The following RASGEF1C variants were observed in gnomAD, a reference collection of about 807,000 sequenced individuals.
The protein encoded by RASGEF1C is RasGEF domain family member 1C.
Under a neutral mutation model 58.1 loss-of-function variants are expected in RASGEF1C, and 27 were observed. The ratio of observed to expected loss-of-function variants is 0.46; its 90% CI spans 0.34 to 0.64. The LOEUF is 0.64. Ranked by LOEUF, RASGEF1C falls within the 30% of genes least tolerant of loss-of-function variation. The pLI is 0.01. For synonymous variants in RASGEF1C, 243 were observed against 246.3 expected, an observed-to-expected ratio of 0.99 and a Z score of 0.13; for missense variants, 502 against 605.1, an observed-to-expected ratio of 0.83 and a Z score of 1.79.
chr5:180,181,985 C>T lies in RASGEF1C; in HGVS notation c.-7+27043G>A, dbSNP rs186229395. Among the ~76,000 whole-genome samples the T allele has an allele frequency of 1.6e-3, 237 of 151,540 alleles. 3 individuals are homozygous for T. The East Asian group carries it at 0.037, about 24-fold the overall frequency. ...TTGGGAGGCCGAGACGGGCGGATCA[C>T]GAGGTCAGGAGATCGAGACCATCCT... is the stretch of plus-strand genomic sequence containing the variant. On this transcript the variant is annotated intron_variant, in intron 1 of 13. Coordinates refer to ENST00000361132, the MANE Select transcript of RASGEF1C (RefSeq NM_175062.4).
At chr5:180,112,521 T>A (rs1391439320) in intron 11 of RASGEF1C, among the ~76,000 whole-genome samples, 1 of 152,164 alleles carries the variant, frequency 6.6e-6, no homozygotes, top group Non-Finnish European at 1.5e-5. Flanking sequence ...GACAGAGCAG[T>A]GACTGGTGAC....
intron 6 of RASGEF1C, among the ~76,000 whole-genome samples, chr5:180,122,327 C>A (rs1414585967): frequency 6.6e-6 from 1 of 152,128 alleles, no homozygotes; most frequent in Non-Finnish European, 1.5e-5. Flanking sequence ...GCTATGCGAA[C>A]CTTTCCCTGT....
intron 1 of RASGEF1C, among the ~76,000 whole-genome samples, chr5:180,153,936 T>C (rs753903185): frequency 9.9e-5 from 15 of 152,086 alleles, no homozygotes; most frequent in Non-Finnish European, 2.1e-4. Flanking sequence ...CAAACCCAAA[T>C]GTTGGTTTGT....
chr5:180,156,785 A>C lies in RASGEF1C; in HGVS notation c.-6-18727T>G, dbSNP rs1023566417. ...GAGACCCTGTCTCAAAAAAAAGTAA[A>C]TAAAATAAAACATACAAAGAAATCT... On this transcript the variant is annotated intron_variant, in intron 1 of 13. Coordinates refer to ENST00000361132, the MANE Select transcript of RASGEF1C (RefSeq NM_175062.4). The surrounding 1 kb of genome is among the most constrained non-coding windows in gnomAD (Gnocchi z 4.9). Among the ~76,000 whole-genome samples, 1 of 152,226 alleles carries C rather than the reference A, an allele frequency of 6.6e-6. No homozygotes were observed. Among genetic ancestry groups the C allele is most frequent in the South Asian group, 2.1e-4 (1 of 4,828 alleles).
rs1426595700 is a variant in RASGEF1C at position 180,113,686 on chromosome 5, C to T, written c.1179+760G>A. Among the ~76,000 whole-genome samples the T allele has an allele frequency of 8.3e-5, 10 of 120,140 alleles. 1 individual carries two copies. The highest frequency in any genetic ancestry group is 4.9e-4 in the Admixed American group (6 of 12,170). 78.8% of individuals were successfully genotyped at this position (120,140 alleles called of 152,430 possible). On this transcript the variant is annotated intron_variant, in intron 11 of 13. Transcript: ENST00000361132. ...AGGGACCGGGGATGGATGGAGGGAT[C>T]GGGGATGGACGGAGGGATCGGGGAT...
chr5:180,170,871 T>C (rs1767097911), intron 1 of RASGEF1C, among the ~76,000 whole-genome samples: 1 of 152,174 alleles, frequency 6.6e-6, no homozygotes, highest in Non-Finnish European at 1.5e-5. Flanking sequence ...GGTGTGGGTC[T>C]GCCTGCAGGC....
At chr5:180,200,010 T>G (rs1453430727) in intron 1 of RASGEF1C, among the ~76,000 whole-genome samples, 1 of 152,076 alleles carries the variant, frequency 6.6e-6, no homozygotes, top group Non-Finnish European at 1.5e-5. Context: ...GCCTGTAATC[T>G]CAGCACTTTG....
rs118096558 is a variant in RASGEF1C at position 180,197,694 on chromosome 5, G to A, written c.-7+11334C>T. On this transcript the variant is annotated intron_variant, in intron 1 of 13. Coordinates refer to ENST00000361132, the MANE Select transcript of RASGEF1C (RefSeq NM_175062.4). The surrounding 1 kb of genome is among the most constrained non-coding windows in gnomAD (Gnocchi z 4.7). ...ATGGCAGCTGCTGTGGGAATTACCT[G>A]AGGCCACAGGGACTCAGCCAATGGC... Among the ~76,000 whole-genome samples, 1,436 of 152,288 alleles carry A rather than the reference G, an allele frequency of 9.4e-3. 36 individuals are homozygous for A. The highest frequency in any genetic ancestry group is 0.089 in the South Asian group (428 of 4,828).
chr5:180,125,731 G>A (rs1057233301), intron 6 of RASGEF1C, among the ~76,000 whole-genome samples: 2 of 151,790 alleles, frequency 1.3e-5, no homozygotes, highest in African/African-American at 4.8e-5. Flanking sequence ...GCAATGAGCC[G>A]AGATCGCACC....
intron 1 of RASGEF1C, among the ~76,000 whole-genome samples, chr5:180,148,890 A>C (rs1766699671): frequency 6.6e-6 from 1 of 152,146 alleles, no homozygotes; most frequent in South Asian, 2.1e-4. Context: ...TCTCCTAGGT[A>C]GGCCTTGCGG....
chr5:180,163,491 T>C (rs1766977425), intron 1 of RASGEF1C, among the ~76,000 whole-genome samples: 1 of 152,070 alleles, frequency 6.6e-6, no homozygotes, highest in Non-Finnish European at 1.5e-5. Flanking sequence ...ACTTCCTTTC[T>C]TACCTATTGT....
intron 1 of RASGEF1C, among the ~76,000 whole-genome samples, chr5:180,153,182 A>G (rs924454141): frequency 6.6e-6 from 1 of 152,210 alleles, no homozygotes; most frequent in African/African-American, 2.4e-5. Flanking sequence ...AAGCCTTTTC[A>G]CCAAGTGGAG....
At chr5:180,157,014 C>G (rs1234740074) in intron 1 of RASGEF1C, among the ~76,000 whole-genome samples, 5 of 152,174 alleles carry the variant, frequency 3.3e-5, no homozygotes, top group South Asian at 4.1e-4. Context: ...ACTGTCACCA[C>G]CAAATGCTGG....
chr5:180,202,036 A>G (rs1467926548), intron 1 of RASGEF1C, among the ~76,000 whole-genome samples: 2 of 151,988 alleles, frequency 1.3e-5, no homozygotes, highest in Non-Finnish European at 2.9e-5. Flanking sequence ...ACATTCAAAA[A>G]CTCAACAGAA....
In RASGEF1C at chr5:180,164,733, C is replaced by T. The variant is rs7703695; in HGVS notation, c.-6-26675G>A. ...CAAGATACGGTTTTGGTGAATATTCCATTTGCACTTGAAAAGAATTCTGCT... is the reference window on the plus strand; with the variant it reads ...CAAGATACGGTTTTGGTGAATATTCTATTTGCACTTGAAAAGAATTCTGCT... On this transcript the variant is annotated intron_variant, in intron 1 of 13. Transcript: ENST00000361132. 9.7e-3 allele frequency among the ~76,000 whole-genome samples: 1,471 copies of T among 152,180 alleles called. 16 individuals carry two copies. Among genetic ancestry groups the T allele is most frequent in the African/African-American group, 0.033 (1,384 of 41,506 alleles).
At chr5:180,182,417 T>C (rs1767359868) in intron 1 of RASGEF1C, among the ~76,000 whole-genome samples, 1 of 152,018 alleles carries the variant, frequency 6.6e-6, no homozygotes, top group South Asian at 2.1e-4. Flanking sequence ...GCAAGATTTA[T>C]TGTGAAGACC....
Position 180,138,064 on chromosome 5 carries a change from A to C in RASGEF1C, c.-6-6T>G. ...AGCGTCTGTGGCATGTCTGCCTGCA[A>C]TGGCAAGGAGCAGTGAGGACCTGAG... On this transcript the variant is annotated splice_polypyrimidine_tract_variant and splice_region_variant and intron_variant, in intron 1 of 13. Coordinates refer to ENST00000361132, the MANE Select transcript of RASGEF1C (RefSeq NM_175062.4). 6.7e-7 allele frequency: 1 copy of C among 1,486,466 alleles called. No individual in the cohort carries two copies. Among genetic ancestry groups the C allele is most frequent in the Non-Finnish European group, 8.9e-7 (1 of 1,120,444 alleles). The allele number at this position is 1,486,466 out of a possible 1,614,324, so 92.1% of individuals were successfully genotyped here.
At position 180,199,237 on chromosome 5, in the gene RASGEF1C, G is replaced by C. The variant is rs1449973789; in HGVS notation, c.-7+9791C>G. ...TAGCCTGCATTGAGTTTTTAGGAAA[G>C]AGTCTGACAAATCCGGATTGTGGGA... On this transcript the variant is annotated intron_variant, in intron 1 of 13. Coordinates refer to ENST00000361132, the MANE Select transcript of RASGEF1C (RefSeq NM_175062.4). 3.3e-5 allele frequency among the ~76,000 whole-genome samples: 5 copies of C among 152,222 alleles called. No individual in the cohort carries two copies. In the South Asian group the frequency reaches 8.3e-4, roughly 25 times the overall value.
At chr5:180,105,550 A>C (rs1336654413) in intron 12 of RASGEF1C, among the ~76,000 whole-genome samples, 2 of 148,802 alleles carry the variant, frequency 1.3e-5, no homozygotes, top group Non-Finnish European at 3.0e-5. Flanking sequence ...TGACAGAGCA[A>C]GACTCTGTCT....
Sources: allele counts gnomAD v4.1 joint callset (sites outside exome capture counted in the v4.1 genomes callset), GRCh38; gene constraint gnomAD v4.1.1; non-coding constraint Gnocchi (gnomAD v3.1); transcripts MANE v1.5; gene names NCBI Gene and HGNC (gene_info 2026-07-23, HGNC 2026-07-21).